KLHL7: variants seen among roughly 807,000 people sequenced by gnomAD.
KLHL7 encodes the protein kelch-like protein 7.
In KLHL7, 44 loss-of-function variants were observed where a neutral mutation model predicts 67.4. That is an observed-to-expected ratio of 0.65 (90% CI 0.51 to 0.84). The LOEUF (loss-of-function observed/expected upper bound fraction) is 0.84, where lower values mean the gene tolerates loss of function less well. Ranked by LOEUF, KLHL7 falls within the 40% of genes least tolerant of loss-of-function variation. The probability of loss-of-function intolerance (pLI) is 0.00; values close to 1 mark genes in which losing one functional copy is unlikely to be tolerated. For missense variants in KLHL7, 362 were observed against 718.1 expected (o/e 0.50, Z 5.67); for synonymous variants, 252 against 243.3 (o/e 1.04, Z -0.33).
rs979725863 is a variant in KLHL7 at position 23,165,751 on chromosome 7, A to T, written c.990A>T (p.Ala330=). The change falls in exon 8 of 11, where the codon GCA becomes GCT. Residue 330 remains alanine (A), a synonymous_variant. Transcript: ENST00000339077. ...RCPFEKRRDA[A]CVFWDNVVYI... ...CCTTTGAAAAACGAAGAGATGCAGC[A>T]TGCGTGTTTTGGGACAATGTAGTAT... The T allele has an allele frequency of 1.9e-6, 3 of 1,614,182 alleles. No individual in the cohort carries two copies. Among genetic ancestry groups the T allele is most frequent in the Non-Finnish European group, 2.5e-6 (3 of 1,179,984 alleles).
intron 4 of KLHL7, among the ~76,000 whole-genome samples, chr7:23,136,808 C>T (rs371730780): frequency 1.9e-4 from 29 of 152,100 alleles, no homozygotes; most frequent in African/African-American, 6.7e-4. Context: ...AGAAACATGG[C>T]AATAAGCACA....
intron 7 of KLHL7, among the ~76,000 whole-genome samples, chr7:23,158,017 G>A (rs942948724): frequency 1.3e-5 from 2 of 152,180 alleles, no homozygotes; most frequent in African/African-American, 2.4e-5. Context: ...CCAGGCTGGC[G>A]TGCAGTGGCA....
At chr7:23,162,009 AC>A (rs1449033964) in intron 7 of KLHL7, among the ~76,000 whole-genome samples, 1 of 152,194 alleles carries the variant, frequency 6.6e-6, no homozygotes. Context: ...CATCCTGCTA[AC>A]CTCCTGATTT....
chr7:23,140,484 G>T (rs929165211), intron 4 of KLHL7, among the ~76,000 whole-genome samples: 2 of 152,198 alleles, frequency 1.3e-5, no homozygotes, highest in African/African-American at 4.8e-5. Flanking sequence ...GTGAAGCTGG[G>T]AGGCGGAGCT....
intron 1 of KLHL7, among the ~76,000 whole-genome samples, chr7:23,117,179 C>T (rs537992792): frequency 4.0e-5 from 6 of 150,388 alleles, no homozygotes; most frequent in African/African-American, 9.8e-5. Context: ...CCTCTGCCTC[C>T]CGGGTTCAAG....
chr7:23,170,907 C>CTTT (rs34932759), intron 9 of KLHL7, among the ~76,000 whole-genome samples: 45,623 of 132,584 alleles, frequency 0.34, 8,680 homozygotes, highest in African/African-American at 0.4. Context: ...TAAGAAATGA[C>CTTT]TTTTTTTTTT....
chr7:23,126,244 G>A (rs1783569227), intron 4 of KLHL7, among the ~76,000 whole-genome samples: 1 of 152,188 alleles, frequency 6.6e-6, no homozygotes, highest in Non-Finnish European at 1.5e-5. Flanking sequence ...GGAGCAGGAT[G>A]ACGTGAGATT....
At chr7:23,148,885 G>A (rs115793276) in intron 6 of KLHL7, among the ~76,000 whole-genome samples, 177 of 152,184 alleles carry the variant, frequency 1.2e-3, no homozygotes, top group African/African-American at 3.9e-3. Flanking sequence ...AAATAATAGT[G>A]GATTGTTCTA....
chr7:23,130,506 A>G (rs780074434), intron 4 of KLHL7, among the ~76,000 whole-genome samples: 40 of 152,238 alleles, frequency 2.6e-4, no homozygotes, highest in Non-Finnish European at 4.9e-4. Context: ...ATCAATTAGC[A>G]TATGGGAATA....
intron 1 of KLHL7, among the ~76,000 whole-genome samples, chr7:23,123,391 G>C (rs1356802989): frequency 6.6e-6 from 1 of 150,828 alleles, no homozygotes; most frequent in Non-Finnish European, 1.5e-5. Flanking sequence ...TGCTGTGTTT[G>C]AAAAACTGTC....
At chr7:23,166,312 A>G (rs1310395176) in intron 8 of KLHL7, among the ~76,000 whole-genome samples, 1 of 152,112 alleles carries the variant, frequency 6.6e-6, no homozygotes, top group African/African-American at 2.4e-5. Flanking sequence ...TAAAATTTGT[A>G]TTATATTTGC....
rs1365371099 is a variant in KLHL7 at position 23,174,509 on chromosome 7, A to G, written c.*211A>G. 2.9e-6 allele frequency: 2 copies of G among 684,620 alleles called. No individual in the cohort carries two copies. Among genetic ancestry groups the G allele is most frequent in the East Asian group, 2.8e-5 (1 of 35,626 alleles). 42.4% of individuals were successfully genotyped at this position (684,620 alleles called of 1,614,324 possible). ...TGGCCACAAAACCAAGAACATATCT[A>G]GCAAGAAAACTTGAAAAAGTATAAG... is the stretch of plus-strand genomic sequence containing the variant. On this transcript the variant is annotated 3_prime_UTR_variant, in exon 11 of 11. Transcript: ENST00000339077.
intron 6 of KLHL7, among the ~76,000 whole-genome samples, chr7:23,144,915 T>G (rs1784306873): frequency 7.0e-6 from 1 of 143,648 alleles, no homozygotes. Flanking sequence ...CTGGGCAACA[T>G]AGCGAGATTC....
rs895149097 is a variant in KLHL7, at chr7:23,175,300, C to T, written c.*1002C>T. 1 of 453,918 alleles carries T rather than the reference C, an allele frequency of 2.2e-6. No homozygotes were observed. Among genetic ancestry groups the T allele is most frequent in the Non-Finnish European group, 4.4e-6 (1 of 226,774 alleles). The allele number at this position is 453,918 out of a possible 1,614,324, so 28.1% of individuals were successfully genotyped here. A position where few individuals can be genotyped will look rare whatever the true frequency, so the allele number is the denominator to read the frequency against. The stretch of plus-strand genomic sequence containing the variant: ...ATGTGATCAATAAATCTTTTACAAA[C>T]CCAACTACTCATTTCCTTCCTAGTA... On this transcript the variant is annotated 3_prime_UTR_variant, in exon 11 of 11. Coordinates refer to ENST00000339077, the MANE Select transcript of KLHL7 (RefSeq NM_001031710.3).
intron 1 of KLHL7, among the ~76,000 whole-genome samples, chr7:23,114,410 A>T (rs745785639): frequency 1.3e-5 from 2 of 152,200 alleles, no homozygotes; most frequent in African/African-American, 2.4e-5. Flanking sequence ...TCAAAAGTGC[A>T]TCTTCTTATG....
chr7:23,132,991 A>G (rs1291111080), intron 4 of KLHL7, among the ~76,000 whole-genome samples: 1 of 152,034 alleles, frequency 6.6e-6, no homozygotes, highest in Admixed American at 6.6e-5. Context: ...ATTCTGTTCC[A>G]TTGGTCTATG....
rs1405607915 is a variant in KLHL7, at chr7:23,143,840, T to G, written c.619-11T>G. 1.2e-6 allele frequency: 2 copies of G among 1,613,838 alleles called. No homozygotes were observed. The highest frequency in any genetic ancestry group is 3.3e-5 in the Admixed American group (2 of 60,008). On this transcript the variant is annotated splice_polypyrimidine_tract_variant and intron_variant, in intron 5 of 10. Coordinates refer to ENST00000339077, the MANE Select transcript of KLHL7 (RefSeq NM_001031710.3). ...TTCTAAGAACTTTACTGTGCTGTTT[T>G]TCCCCCTTAGGTTTATGATGCTGCA...
In KLHL7 at chr7:23,140,921, C is replaced by CT; in HGVS notation, c.596dup (p.Thr200AspfsTer10). The stretch of plus-strand genomic sequence containing the variant: ...AACACATCTTCTCAACCAGGACACT[C>CT]TGACTGTGAGAGCAGAGGATCAGGT... On this transcript the variant is annotated frameshift_variant, in exon 5 of 11. Transcript: ENST00000339077. LOFTEE classifies it high-confidence loss of function. The CT allele has an allele frequency of 6.2e-7, 1 of 1,613,990 alleles. No homozygotes were observed. The highest frequency in any genetic ancestry group is 8.5e-7 in the Non-Finnish European group (1 of 1,179,968).
Position 23,152,217 on chromosome 7 carries a change from AT to A in KLHL7, c.936+13del, listed in dbSNP as rs1330316483. 1 of 1,613,534 alleles carries A rather than the reference AT, an allele frequency of 6.2e-7. No homozygotes were observed. The highest frequency in any genetic ancestry group is 8.5e-7 in the Non-Finnish European group (1 of 1,179,524). ...AGATATTTTAACCCAAAGGTAACTA[AT>A]TTTTATTCTTGGTTTTTGTTGTTGT... is the stretch of plus-strand genomic sequence containing the variant. On this transcript the variant is annotated intron_variant, in intron 7 of 10. Coordinates refer to ENST00000339077, the MANE Select transcript of KLHL7 (RefSeq NM_001031710.3).
Sources: gnomAD v4.1 joint callset for allele counts (sites outside exome capture counted in the v4.1 genomes callset) on GRCh38, gnomAD v4.1.1 for gene constraint, MANE v1.5 for transcripts, NCBI Gene and HGNC (gene_info 2026-07-23, HGNC 2026-07-21) for gene names.